TCF12: variants seen among roughly 807,000 people sequenced by gnomAD.
TCF12 encodes the protein transcription factor 12, also known as DNA-binding protein HTF4.
A neutral mutation model predicts 86.0 loss-of-function variants in TCF12; 45 were observed. That is an observed-to-expected ratio of 0.52 (90% CI 0.41 to 0.67). The LOEUF (loss-of-function observed/expected upper bound fraction) is 0.67. Ranked by LOEUF, TCF12 falls within the 30% of genes least tolerant of loss-of-function variation. TCF12 has a pLI of 0.00. For missense variants in TCF12, 881 were observed against 859.9 expected (o/e 1.02, Z -0.31); for synonymous variants, 330 against 299.6 (o/e 1.10, Z -1.05).
At position 57,175,804 on chromosome 15, in the gene TCF12, C is replaced by T. The variant is rs551473041; in HGVS notation, c.390+9338C>T. Among the ~76,000 whole-genome samples, 30 of 152,180 alleles carry T rather than the reference C, an allele frequency of 2.0e-4. 1 individual carries two copies. Among genetic ancestry groups the T allele is most frequent in the Admixed American group, 1.5e-3 (23 of 15,288 alleles). On this transcript the variant is annotated intron_variant, in intron 6 of 20. Transcript: ENST00000333725. ...TCTTTTAAGTGTTTGAAGCATAATT[C>T]GACTTTTCTATAACTTTGAAGGTTA...
chr15:57,147,649 A>G (rs1387062117), intron 5 of TCF12, among the ~76,000 whole-genome samples: 1 of 152,178 alleles, frequency 6.6e-6, no homozygotes, highest in Non-Finnish European at 1.5e-5. Flanking sequence ...TTATGAATGG[A>G]AAGAGACAGT....
chr15:57,232,958 A>ATATATATG, intron 11 of TCF12, 102 bp downstream of exon 11: 1 of 684,874 alleles, frequency 1.5e-6, no homozygotes. Context: ...TATAAATGTT[A>ATATATATG]TATATATGTA....
chr15:57,037,171 G>A (rs1282954202), intron 3 of TCF12, among the ~76,000 whole-genome samples: 1 of 152,112 alleles, frequency 6.6e-6, no homozygotes, highest in Non-Finnish European at 1.5e-5. Flanking sequence ...TAAGGGGCTC[G>A]AGCACGGTGG....
At chr15:57,045,139 G>A (rs182223268) in intron 3 of TCF12, among the ~76,000 whole-genome samples, 1 of 152,148 alleles carries the variant, frequency 6.6e-6, no homozygotes, top group Non-Finnish European at 1.5e-5. Context: ...GGTGATTATA[G>A]ACACTTAGAA....
At chr15:57,155,532 C>A (rs1483250638) in intron 5 of TCF12, among the ~76,000 whole-genome samples, 1 of 152,110 alleles carries the variant, frequency 6.6e-6, no homozygotes, top group Non-Finnish European at 1.5e-5. Flanking sequence ...TGGTGGCTCA[C>A]CCCTGTAATC....
chr15:56,949,808 TA>T (rs2061181814), intron 3 of TCF12, among the ~76,000 whole-genome samples: 1 of 152,118 alleles, frequency 6.6e-6, no homozygotes, highest in South Asian at 2.1e-4. Flanking sequence ...TAGAAATGGT[TA>T]AAGTGTCATG....
intron 6 of TCF12, among the ~76,000 whole-genome samples, chr15:57,167,832 A>G (rs1250369176): frequency 6.6e-6 from 1 of 152,134 alleles, no homozygotes; most frequent in Admixed American, 6.5e-5. Context: ...AGTGTTGTTA[A>G]TGATTGCTCT....
At chr15:57,239,004 G>A (rs1205184370) in intron 12 of TCF12, among the ~76,000 whole-genome samples, 1 of 152,182 alleles carries the variant, frequency 6.6e-6, no homozygotes, top group Non-Finnish European at 1.5e-5. Flanking sequence ...AGGAGGACAA[G>A]CTGTGTTTAG....
Position 57,262,085 on chromosome 15 carries a change from T to G in TCF12, c.1468-9T>G, listed in dbSNP as rs1341574230. 1.3e-6 allele frequency: 2 copies of G among 1,590,838 alleles called. No homozygotes were observed. The highest frequency in any genetic ancestry group is 1.7e-6 in the Non-Finnish European group (2 of 1,167,428). On this transcript the variant is annotated splice_polypyrimidine_tract_variant and intron_variant, in intron 16 of 20. Transcript: ENST00000333725. ...TCTTTTTTTATTTTTGGGTTTTCCT[T>G]AACTTTAGGTTGGAACTCATCGGGA...
At chr15:57,101,910 C>A (rs16977244) in intron 5 of TCF12, among the ~76,000 whole-genome samples, 6,252 of 152,286 alleles carry the variant, frequency 0.041, 358 homozygotes, top group African/African-American at 0.13. Context: ...GTTTCTCTTA[C>A]ATACTTTTCC....
intron 3 of TCF12, among the ~76,000 whole-genome samples, chr15:56,953,832 T>G (rs2061385393): frequency 1.3e-5 from 1 of 77,296 alleles, no homozygotes; most frequent in African/African-American, 8.0e-5. Context: ...GTTTATCAGT[T>G]TTTTTTTTTG....
intron 8 of TCF12, among the ~76,000 whole-genome samples, chr15:57,225,412 T>A (rs1209066229): frequency 2.6e-5 from 4 of 151,442 alleles, no homozygotes; most frequent in Non-Finnish European, 4.4e-5. Flanking sequence ...GCTAATTTTT[T>A]TTATTATTAT....
intron 3 of TCF12, among the ~76,000 whole-genome samples, chr15:57,056,449 G>T (rs541634992): frequency 3.3e-5 from 5 of 151,726 alleles, no homozygotes; most frequent in African/African-American, 9.7e-5. Context: ...GCCAATTTTA[G>T]TTATTTTTAA....
At chr15:57,270,572 C>G (rs2061089724) in intron 18 of TCF12, among the ~76,000 whole-genome samples, 1 of 152,176 alleles carries the variant, frequency 6.6e-6, no homozygotes, top group Non-Finnish European at 1.5e-5. Context: ...GTCAACTCAT[C>G]AAACTCATTC....
At chr15:57,212,977 C>G (rs986787330) in intron 8 of TCF12, among the ~76,000 whole-genome samples, 2 of 152,184 alleles carry the variant, frequency 1.3e-5, no homozygotes, top group Non-Finnish European at 2.9e-5. Flanking sequence ...GAGAATACTT[C>G]TGCCCTACTG....
intron 3 of TCF12, among the ~76,000 whole-genome samples, chr15:57,009,451 A>T (rs955034019): frequency 2.0e-5 from 3 of 152,100 alleles, no homozygotes; most frequent in Non-Finnish European, 2.9e-5. Context: ...GGTGGCTTTT[A>T]AAAAAATCCA....
At chr15:57,003,291 A>C (rs1206731177) in intron 3 of TCF12, among the ~76,000 whole-genome samples, 2 of 152,198 alleles carry the variant, frequency 1.3e-5, no homozygotes, top group African/African-American at 4.8e-5. Flanking sequence ...GGTACCTGTG[A>C]GCATCTGGTC....
intron 3 of TCF12, among the ~76,000 whole-genome samples, chr15:57,014,357 C>T (rs545845921): frequency 1.1e-4 from 17 of 152,060 alleles, no homozygotes; most frequent in African/African-American, 3.9e-4. Flanking sequence ...GTGGGCCTTC[C>T]TCATTCCCTA....
At chr15:57,001,271 TC>T (rs2064019824) in intron 3 of TCF12, 1 of 169,320 alleles carries the variant, frequency 5.9e-6, no homozygotes, top group South Asian at 2.0e-4. Flanking sequence ...CACCTCAGCC[TC>T]CTACAGTGCT....
Sources: gnomAD v4.1 joint callset for allele counts (sites outside exome capture counted in the v4.1 genomes callset) on GRCh38, gnomAD v4.1.1 for gene constraint, MANE v1.5 for transcripts, NCBI Gene and HGNC (gene_info 2026-07-23, HGNC 2026-07-21) for gene names.